The following GTF2E2 variants were observed in gnomAD, a reference collection of about 807,000 sequenced individuals.
GTF2E2 encodes the protein transcription initiation factor IIE subunit beta.
A neutral mutation model predicts 40.5 loss-of-function variants in GTF2E2; 21 were observed. That is an observed-to-expected ratio of 0.52 (90% confidence interval 0.37 to 0.75). GTF2E2 has a LOEUF of 0.75. Among genes scored for constraint, GTF2E2 ranks in the 30% least tolerant of loss-of-function variants. The pLI, the probability that GTF2E2 is intolerant of heterozygous loss-of-function variation, is 0.00. For synonymous variants in GTF2E2, 117 were observed against 121.6 expected (o/e 0.96, Z 0.25); for missense variants, 298 against 338.4 (o/e 0.88, Z 0.94).
chr8:30,648,302 A>T (rs529526624), intron 2 of GTF2E2, among the ~76,000 whole-genome samples: 1 of 152,376 alleles, frequency 6.6e-6, no homozygotes, highest in Admixed American at 6.5e-5. Flanking sequence ...AGGCTGCAGT[A>T]AAACATGGAC....
intron 3 of GTF2E2, among the ~76,000 whole-genome samples, chr8:30,624,730 C>A (rs1801216327): frequency 6.6e-6 from 1 of 152,058 alleles, no homozygotes; most frequent in Non-Finnish European, 1.5e-5. Context: ...TCCTTCACAT[C>A]CCTTGTAAGT....
At chr8:30,657,605 T>G (rs544325855) in intron 1 of GTF2E2, 1 of 152,128 alleles carries the variant, frequency 6.6e-6, no homozygotes, top group Non-Finnish European at 1.5e-5. Flanking sequence ...TAGAAAGCAG[T>G]CCGCGTATGA....
intron 2 of GTF2E2, among the ~76,000 whole-genome samples, chr8:30,639,347 T>A (rs1801727680): frequency 6.6e-6 from 1 of 152,174 alleles, no homozygotes; most frequent in South Asian, 2.1e-4. Context: ...TAATATAAAG[T>A]CATGCTATTA....
chr8:30,607,436 C>T (rs773293324), intron 5 of GTF2E2, among the ~76,000 whole-genome samples: 8 of 152,018 alleles, frequency 5.3e-5, no homozygotes, highest in Non-Finnish European at 1.0e-4. Context: ...ATTGCCACCA[C>T]GTCTAGCTAA....
intron 6 of GTF2E2, among the ~76,000 whole-genome samples, chr8:30,596,498 C>T (rs549319335): frequency 2.0e-5 from 3 of 152,296 alleles, no homozygotes; most frequent in African/African-American, 7.2e-5. Flanking sequence ...CCTGACCATA[C>T]AAGTTGCCTG....
intron 6 of GTF2E2, among the ~76,000 whole-genome samples, chr8:30,586,563 A>G (rs1347982536): frequency 6.6e-6 from 1 of 152,238 alleles, no homozygotes; most frequent in Non-Finnish European, 1.5e-5. Context: ...ATGGAAACAC[A>G]CAAAAAAACT....
At chr8:30,621,787 T>C (rs998470879) in intron 3 of GTF2E2, among the ~76,000 whole-genome samples, 5 of 152,066 alleles carry the variant, frequency 3.3e-5, no homozygotes, top group Non-Finnish European at 5.9e-5. Flanking sequence ...GTGGTTTTAC[T>C]TCTTCCTTTC....
chr8:30,652,280 T>C (rs566979298), intron 2 of GTF2E2, among the ~76,000 whole-genome samples: 143 of 152,100 alleles, frequency 9.4e-4, no homozygotes, highest in Non-Finnish European at 1.9e-3. Context: ...GAAGATAAAA[T>C]GACAAGCACT....
chr8:30,623,808 T>C (rs1801184930), intron 3 of GTF2E2, among the ~76,000 whole-genome samples: 1 of 152,146 alleles, frequency 6.6e-6, no homozygotes, highest in Non-Finnish European at 1.5e-5. Context: ...GCTGCATAAA[T>C]GTCTTCTTTT....
intron 6 of GTF2E2, 52 bp from the exon 7 acceptor site, chr8:30,580,448 C>T (rs759582276): frequency 1.0e-6 from 1 of 994,362 alleles, no homozygotes; most frequent in Middle Eastern, 2.1e-4. Flanking sequence ...CAAACTATAG[C>T]ATCTTGATCA....
In GTF2E2 at chr8:30,619,507, G is replaced by C. The variant is rs112634756; in HGVS notation, c.259-4792C>G. Among the ~76,000 whole-genome samples the C allele has an allele frequency of 1.7e-4, 25 of 151,514 alleles. 1 individual carries two copies. Among genetic ancestry groups the C allele is most frequent in the African/African-American group, 5.8e-4 (24 of 41,198 alleles). ...AGGTTCAAGCAATTCTCCTGCTTCA[G>C]CTTCCCAAGTAGCTGGGACTATACG... On this transcript the variant is annotated intron_variant, in intron 3 of 7. Transcript: ENST00000355904.
chr8:30,637,268 G>T (rs1322464744), intron 2 of GTF2E2: 1 of 456,020 alleles, frequency 2.2e-6, no homozygotes, highest in Non-Finnish European at 4.4e-6. Context: ...ATAAACAACT[G>T]GGAAGACTAT....
At chr8:30,651,268 T>G (rs1398503403) in intron 2 of GTF2E2, among the ~76,000 whole-genome samples, 1 of 151,978 alleles carries the variant, frequency 6.6e-6, no homozygotes, top group Admixed American at 6.6e-5. Flanking sequence ...TATTCACAGA[T>G]GACATAATCT....
intron 2 of GTF2E2, chr8:30,638,784 G>A (rs1309471864): frequency 1.3e-5 from 2 of 152,266 alleles, no homozygotes; most frequent in East Asian, 3.8e-4. Context: ...CGCTTGGTAG[G>A]ATTTTATTAT....
chr8:30,603,603 G>A (rs1829241823), intron 6 of GTF2E2, among the ~76,000 whole-genome samples: 1 of 152,168 alleles, frequency 6.6e-6, no homozygotes, highest in Non-Finnish European at 1.5e-5. Context: ...TGCCAAGAAC[G>A]TTTATAAACT....
intron 6 of GTF2E2, among the ~76,000 whole-genome samples, chr8:30,591,027 C>A (rs778892404): frequency 6.6e-6 from 1 of 152,102 alleles, no homozygotes; most frequent in Admixed American, 6.5e-5. Context: ...AAGACACCAT[C>A]AAGAAAGTGA....
chr8:30,609,553 C>T (rs779981857), intron 5 of GTF2E2, among the ~76,000 whole-genome samples: 11 of 152,136 alleles, frequency 7.2e-5, no homozygotes, highest in Non-Finnish European at 1.3e-4. Context: ...AATACAGTTA[C>T]GATGGCAATA....
At position 30,629,899 on chromosome 8, in the gene GTF2E2, A is replaced by G. The variant is rs182372640; in HGVS notation, c.258+5133T>C. Among the ~76,000 whole-genome samples the G allele has an allele frequency of 2.0e-4, 30 of 152,304 alleles. No individual in the cohort carries two copies. The East Asian group carries it at 5.8e-3, about 29-fold the overall frequency. ...ACATAGTGTTTTACATAACCGAGAC[A>G]TAAGGAATAATGCTGAAATCAAGAG... On this transcript the variant is annotated intron_variant, in intron 3 of 7. Coordinates refer to ENST00000355904, the MANE Select transcript of GTF2E2 (RefSeq NM_002095.6).
intron 3 of GTF2E2, among the ~76,000 whole-genome samples, chr8:30,617,117 A>G (rs1800942365): frequency 6.6e-6 from 1 of 152,148 alleles, no homozygotes; most frequent in South Asian, 2.1e-4. Context: ...TAACTCTTCA[A>G]AAGAAAAAAA....
Sources: allele counts gnomAD v4.1 joint callset (sites outside exome capture counted in the v4.1 genomes callset), GRCh38; gene constraint gnomAD v4.1.1; transcripts MANE v1.5; gene names NCBI Gene and HGNC (gene_info 2026-07-23, HGNC 2026-07-21).